GAN: variants seen among roughly 807,000 people sequenced by gnomAD.
The protein encoded by GAN is epididymis secretory sperm binding protein.
A neutral mutation model predicts 71.3 loss-of-function variants in GAN; 48 were observed. That is an observed-to-expected ratio of 0.67 (90% confidence interval 0.53 to 0.86). GAN has a LOEUF of 0.86. Ranked by LOEUF, GAN falls within the 40% of genes least tolerant of loss-of-function variation. GAN has a pLI of 0.00. For missense variants in GAN, 928 were observed against 770.1 expected, an observed-to-expected ratio of 1.21 and a Z score of -2.43; for synonymous variants, 386 against 276.8, an observed-to-expected ratio of 1.39 and a Z score of -3.92.
chr16:81,335,701 C>G (rs1039665556), intron 1 of GAN, among the ~76,000 whole-genome samples: 7 of 139,444 alleles, frequency 5.0e-5, no homozygotes, highest in Admixed American at 3.9e-4. Context: ...GAGCCAAGAT[C>G]ACGACACTGC....
rs1342556288 is a variant in GAN, at chr16:81,383,543, C to T, written c.*5947C>T. 2 of 151,290 alleles carry T rather than the reference C, an allele frequency of 1.3e-5. No homozygotes were observed. The highest frequency in any genetic ancestry group is 4.9e-5 in the African/African-American group (2 of 41,226). 9.4% of individuals were successfully genotyped at this position (151,290 alleles called of 1,614,324 possible). The stretch of plus-strand genomic sequence containing the variant: ...GCTGGATTACAGGTGTGAGCCACCT[C>T]GCCTGCCCTCTTTTTTTTTTTTTAT... On this transcript the variant is annotated 3_prime_UTR_variant, in exon 11 of 11. Transcript: ENST00000648994.
rs371117262 is a variant in GAN at position 81,350,729 on chromosome 16, G to A, written c.168-854G>A. Among the ~76,000 whole-genome samples, 4 of 152,236 alleles carry A rather than the reference G, an allele frequency of 2.6e-5. No individual in the cohort carries two copies. In the East Asian group the frequency reaches 5.8e-4, roughly 22 times the overall value. On this transcript the variant is annotated intron_variant, in intron 1 of 10. Coordinates refer to ENST00000648994, the MANE Select transcript of GAN (RefSeq NM_022041.4). ...AGATGGGGTTTCACCATGTTGGCCA[G>A]GCTGGCCTCGAACTCCTGGCCTCAA...
chr16:81,354,526 T>C lies in GAN; in HGVS notation c.404T>C (p.Ile135Thr). The change falls in exon 3 of 11, where the codon ATT becomes ACT. Residue 135 changes from isoleucine (I) to threonine (T), a missense_variant. Coordinates refer to ENST00000648994, the MANE Select transcript of GAN (RefSeq NM_022041.4). ...LEGCIAAENC[I>T]GIRDFALHYC... ...GGCTGCATTGCTGCTGAGAACTGTA[T>C]TGGTATCCGTGACTTTGCACTACAT... The C allele has an allele frequency of 1.9e-6, 3 of 1,614,026 alleles. No homozygotes were observed. Among genetic ancestry groups the C allele is most frequent in the Non-Finnish European group, 2.5e-6 (3 of 1,179,886 alleles).
At chr16:81,345,085 AAAAAGTCAGG>A (rs1202817257) in intron 1 of GAN, among the ~76,000 whole-genome samples, 1 of 152,226 alleles carries the variant, frequency 6.6e-6, no homozygotes, top group Non-Finnish European at 1.5e-5. Flanking sequence ...GGCGATCATT[AAAAAGTCAGG>A]AAAAAACCGA....
At chr16:81,358,108 CTTA>C (rs1335985267) in intron 5 of GAN, among the ~76,000 whole-genome samples, 177 bp downstream of exon 5, 2 of 152,076 alleles carry the variant, frequency 1.3e-5, no homozygotes, top group Non-Finnish European at 2.9e-5. Flanking sequence ...TCTGTCAGTC[CTTA>C]TTATCTCTGT....
rs1245577060 is a variant in GAN, at chr16:81,317,864, GA to G, written c.167+2585del. Among the ~76,000 whole-genome samples, 7 of 152,096 alleles carry G rather than the reference GA, an allele frequency of 4.6e-5. No homozygotes were observed. The East Asian group carries it at 1.2e-3, about 25-fold the overall frequency. On this transcript the variant is annotated intron_variant, in intron 1 of 10. Transcript: ENST00000648994. ...TTCAATCATCTTTAAAGAGAAGGCA[GA>G]TTTTTTTTTTTTATGTTTTGTGGAT... is the stretch of plus-strand genomic sequence containing the variant.
At position 81,380,088 on chromosome 16, in the gene GAN, T is replaced by A. The variant is rs886052354; in HGVS notation, c.*2492T>A. The A allele has an allele frequency of 1.3e-5, 2 of 152,634 alleles. No homozygotes were observed. The highest frequency in any genetic ancestry group is 2.9e-5 in the Non-Finnish European group (2 of 68,044). The allele number at this position is 152,634 out of a possible 1,614,324, so 9.5% of individuals were successfully genotyped here. ...AAAATATTGTGTTGAAGTATAGGGA[T>A]GTATTTAATTTTACTATGCTCCAAC... On this transcript the variant is annotated 3_prime_UTR_variant, in exon 11 of 11. Coordinates refer to ENST00000648994, the MANE Select transcript of GAN (RefSeq NM_022041.4).
At chr16:81,332,127 C>T (rs1001632801) in intron 1 of GAN, among the ~76,000 whole-genome samples, 3 of 148,662 alleles carry the variant, frequency 2.0e-5, no homozygotes, top group Non-Finnish European at 4.4e-5. Flanking sequence ...TGCCATTGCA[C>T]TTCAGCCTGG....
intron 1 of GAN, among the ~76,000 whole-genome samples, chr16:81,328,542 T>G (rs879892136): frequency 1.2e-4 from 18 of 152,220 alleles, no homozygotes; most frequent in Non-Finnish European, 2.1e-4. Flanking sequence ...TTGGAGACTA[T>G]ATCCCAGATC....
intron 1 of GAN, among the ~76,000 whole-genome samples, chr16:81,329,748 C>T (rs1190424846): frequency 1.3e-5 from 2 of 152,158 alleles, no homozygotes; most frequent in African/African-American, 4.8e-5. Flanking sequence ...TCTGGCTCTC[C>T]TCCCCATCTG....
chr16:81,327,298 A>C (rs928758502), intron 1 of GAN, among the ~76,000 whole-genome samples: 1 of 152,218 alleles, frequency 6.6e-6, no homozygotes, highest in Non-Finnish European at 1.5e-5. Context: ...GCAGTGGATT[A>C]TAAATTAAGG....
intron 1 of GAN, among the ~76,000 whole-genome samples, chr16:81,342,478 C>T (rs1463888812): frequency 6.6e-6 from 1 of 152,214 alleles, no homozygotes; most frequent in Non-Finnish European, 1.5e-5. Context: ...TTCAGACTCT[C>T]ACTCAAAACC....
chr16:81,376,258 T>G (rs1904279267), intron 9 of GAN, among the ~76,000 whole-genome samples: 2 of 152,050 alleles, frequency 1.3e-5, no homozygotes, highest in Admixed American at 6.6e-5. Flanking sequence ...AAAAAAGACT[T>G]GCTCTCTAAT....
Position 81,381,924 on chromosome 16 carries a change from C to T in GAN, c.*4328C>T, listed in dbSNP as rs1438594332. 1 of 152,108 alleles carries T rather than the reference C, an allele frequency of 6.6e-6. No individual in the cohort carries two copies. The highest frequency in any genetic ancestry group is 1.5e-5 in the Non-Finnish European group (1 of 68,030). The allele number at this position is 152,108 out of a possible 1,614,324, so 9.4% of individuals were successfully genotyped here. A position where few individuals can be genotyped will look rare whatever the true frequency, so the allele number is the denominator to read the frequency against. ...CTATATGGAGCTGAAACTAGTATAG[C>T]ATAAACAATGCCAAGTGCCTGATGT... On this transcript the variant is annotated 3_prime_UTR_variant, in exon 11 of 11. Transcript: ENST00000648994.
chr16:81,369,927 C>G (rs1043765676), intron 9 of GAN, among the ~76,000 whole-genome samples: 1 of 152,224 alleles, frequency 6.6e-6, no homozygotes, highest in East Asian at 1.9e-4. Context: ...ATCAGGTGAT[C>G]ATACTGATCC....
rs1904537684 is a variant in GAN at position 81,390,791 on chromosome 16, T to TA, written c.*13197dup. 1 of 152,210 alleles carries TA rather than the reference T, an allele frequency of 6.6e-6. No homozygotes were observed. Among genetic ancestry groups the TA allele is most frequent in the African/African-American group, 2.4e-5 (1 of 41,456 alleles). The allele number at this position is 152,210 out of a possible 1,614,324, so 9.4% of individuals were successfully genotyped here. A position where few individuals can be genotyped will look rare whatever the true frequency, so the allele number is the denominator to read the frequency against. Reference sequence around the variant, plus strand: ...AAGCTGTTTAATTAACCTAATAAAATAATTTGATGGGGAAGGCATTCTAAT... The same window carrying TA: ...AAGCTGTTTAATTAACCTAATAAAATAAATTTGATGGGGAAGGCATTCTAAT... On this transcript the variant is annotated 3_prime_UTR_variant, in exon 11 of 11. Transcript: ENST00000648994.
rs1321272604 is a variant in GAN, at chr16:81,379,951, A to G, written c.*2355A>G. ...TTTAATTTCAGTTCATTGACTCTAT[A>G]ACTGCAGAAATTAGATAATGTTTTA... On this transcript the variant is annotated 3_prime_UTR_variant, in exon 11 of 11. Coordinates refer to ENST00000648994, the MANE Select transcript of GAN (RefSeq NM_022041.4). The G allele has an allele frequency of 1.3e-5, 2 of 152,386 alleles. No individual in the cohort carries two copies. Among genetic ancestry groups the G allele is most frequent in the Non-Finnish European group, 1.5e-5 (1 of 67,994 alleles). The allele number at this position is 152,386 out of a possible 1,614,324, so 9.4% of individuals were successfully genotyped here.
chr16:81,327,969 G>A (rs777588109), intron 1 of GAN, among the ~76,000 whole-genome samples: 1 of 152,220 alleles, frequency 6.6e-6, no homozygotes, highest in Non-Finnish European at 1.5e-5. Flanking sequence ...AAAGGTCAGG[G>A]TGTGACCAGA....
Position 81,387,439 on chromosome 16 carries a change from A to G in GAN, c.*9843A>G, listed in dbSNP as rs1904435650. The G allele has an allele frequency of 6.6e-6, 1 of 152,234 alleles. No homozygotes were observed. The highest frequency in any genetic ancestry group is 2.4e-5 in the African/African-American group (1 of 41,404). The allele number at this position is 152,234 out of a possible 1,614,324, so 9.4% of individuals were successfully genotyped here. A position where few individuals can be genotyped will look rare whatever the true frequency, so the allele number is the denominator to read the frequency against. On this transcript the variant is annotated 3_prime_UTR_variant, in exon 11 of 11. Coordinates refer to ENST00000648994, the MANE Select transcript of GAN (RefSeq NM_022041.4). ...TTGTCTTGTCCTCCTCCCTGGTGAA[A>G]GTCTACTGCAGTTTTATTCTCAGCT...
Sources: allele counts gnomAD v4.1 joint callset (sites outside exome capture counted in the v4.1 genomes callset), GRCh38; gene constraint gnomAD v4.1.1; transcripts MANE v1.5; gene names NCBI Gene and HGNC (gene_info 2026-07-23, HGNC 2026-07-21).